NCAM1: variants seen among roughly 807,000 people sequenced by gnomAD.
The protein encoded by NCAM1 is neural cell adhesion molecule 1, also known as antigen recognized by monoclonal antibody 5.1H11.
In NCAM1, 14 loss-of-function variants were observed where a neutral mutation model predicts 109.8. The ratio of observed to expected loss-of-function variants is 0.13; its 90% CI spans 0.08 to 0.20. The LOEUF (loss-of-function observed/expected upper bound fraction) is 0.20. Among genes scored for constraint, NCAM1 ranks in the 10% least tolerant of loss-of-function variants. The pLI is 1.00. For synonymous variants in NCAM1, 418 were observed against 442.9 expected, an observed-to-expected ratio of 0.94 and a Z score of 0.70; for missense variants, 774 against 1,109.9, an observed-to-expected ratio of 0.70 and a Z score of 4.30.
At chr11:113,116,304 C>T (rs1940705637) in intron 1 of NCAM1, among the ~76,000 whole-genome samples, 1 of 152,118 alleles carries the variant, frequency 6.6e-6, no homozygotes, top group Non-Finnish European at 1.5e-5. Context: ...CAGGCAACTG[C>T]CCTGAAATTT....
intron 1 of NCAM1, among the ~76,000 whole-genome samples, chr11:113,076,093 T>G (rs1938512373): frequency 6.6e-6 from 1 of 152,216 alleles, no homozygotes; most frequent in South Asian, 2.1e-4. Context: ...TCTTTTGAAC[T>G]GACAAGTGTC....
At chr11:113,053,206 C>T (rs1294303213) in intron 1 of NCAM1, among the ~76,000 whole-genome samples, 1 of 152,170 alleles carries the variant, frequency 6.6e-6, no homozygotes, top group East Asian at 1.9e-4. Flanking sequence ...TGGCTTCCAG[C>T]TCCATTCATG....
At chr11:113,027,505 A>AT (rs1952583435) in intron 1 of NCAM1, among the ~76,000 whole-genome samples, 1 of 152,206 alleles carries the variant, frequency 6.6e-6, no homozygotes, top group Non-Finnish European at 1.5e-5. Flanking sequence ...TTTAAAGATG[A>AT]TTTCCTGGAT....
At chr11:113,076,185 C>G (rs932228846) in intron 1 of NCAM1, among the ~76,000 whole-genome samples, 3 of 151,992 alleles carry the variant, frequency 2.0e-5, no homozygotes, top group Admixed American at 2.0e-4. Context: ...GCCCCACACA[C>G]AGAGGGAATC....
intron 1 of NCAM1, among the ~76,000 whole-genome samples, chr11:113,055,554 C>G (rs372187955): frequency 1.3e-5 from 2 of 152,192 alleles, no homozygotes; most frequent in East Asian, 1.9e-4. Flanking sequence ...TAACATATTC[C>G]TGCTGTTCTC....
At chr11:113,011,416 T>A (rs945912070) in intron 1 of NCAM1, among the ~76,000 whole-genome samples, 1 of 152,012 alleles carries the variant, frequency 6.6e-6, no homozygotes, top group Admixed American at 6.6e-5. Flanking sequence ...AATGCCGCAA[T>A]AAACATACGT....
At chr11:113,247,668 G>GGTAT (rs1404482423) in intron 15 of NCAM1, among the ~76,000 whole-genome samples, 1 of 152,100 alleles carries the variant, frequency 6.6e-6, no homozygotes, top group Non-Finnish European at 1.5e-5. Context: ...GGCGATATTG[G>GGTAT]GTATGTACAT....
intron 16 of NCAM1, among the ~76,000 whole-genome samples, chr11:113,257,107 GCCTGT>G (rs1945853064): frequency 6.6e-6 from 1 of 152,230 alleles, no homozygotes; most frequent in African/African-American, 2.4e-5. Context: ...AGTAGGAAAG[GCCTGT>G]CACTGCCCTG....
intron 1 of NCAM1, among the ~76,000 whole-genome samples, chr11:112,994,956 G>A (rs1360036016): frequency 6.6e-6 from 1 of 152,060 alleles, no homozygotes; most frequent in African/African-American, 2.4e-5. Flanking sequence ...AAACTCATGT[G>A]CTCTGTCACC....
At chr11:113,226,924 T>C (rs1235736039) in intron 9 of NCAM1, among the ~76,000 whole-genome samples, 1 of 152,172 alleles carries the variant, frequency 6.6e-6, no homozygotes, top group Non-Finnish European at 1.5e-5. Flanking sequence ...GGGAGACATT[T>C]AAAGCAGTGT....
chr11:112,994,566 A>G (rs1236644652), intron 1 of NCAM1, among the ~76,000 whole-genome samples: 1 of 152,198 alleles, frequency 6.6e-6, no homozygotes, highest in Non-Finnish European at 1.5e-5. Context: ...AAACCTGGTA[A>G]TTTAGCCCAC....
chr11:113,095,930 A>G (rs1214710083), intron 1 of NCAM1, among the ~76,000 whole-genome samples: 1 of 152,214 alleles, frequency 6.6e-6, no homozygotes, highest in Non-Finnish European at 1.5e-5. Context: ...TGCTGCAAGG[A>G]TTAAATAAAA....
chr11:113,095,268 C>G (rs1026022195), intron 1 of NCAM1, among the ~76,000 whole-genome samples: 1 of 152,268 alleles, frequency 6.6e-6, no homozygotes, highest in Admixed American at 6.5e-5. Context: ...ACATTCTCAG[C>G]TTTGCATTGT....
intron 1 of NCAM1, among the ~76,000 whole-genome samples, chr11:113,186,022 C>T (rs549732918): frequency 4.5e-4 from 68 of 152,282 alleles, no homozygotes; most frequent in Middle Eastern, 3.4e-3. Flanking sequence ...CAGAAAACAA[C>T]GGTCATAATA....
intron 1 of NCAM1, among the ~76,000 whole-genome samples, chr11:113,080,511 C>T (rs974167338): frequency 5.4e-5 from 8 of 146,838 alleles, no homozygotes; most frequent in South Asian, 4.5e-4. Context: ...AAGTTTGATG[C>T]GGGTGGTATT....
chr11:113,014,439 G>A (rs571820337), intron 1 of NCAM1, among the ~76,000 whole-genome samples: 6 of 152,178 alleles, frequency 3.9e-5, no homozygotes, highest in African/African-American at 1.4e-4. Flanking sequence ...TTCCCATAGG[G>A]CTCATTCCCG....
intron 1 of NCAM1, among the ~76,000 whole-genome samples, chr11:113,180,277 CTGCTTAT>C (rs2136570349): frequency 6.6e-6 from 1 of 152,308 alleles, no homozygotes; most frequent in East Asian, 1.9e-4. Flanking sequence ...TAGTATTATC[CTGCTTAT>C]TGGATATGGA....
chr11:113,207,475 C>A, intron 6 of NCAM1, 97 bp downstream of exon 6: 3 of 955,000 alleles, frequency 3.1e-6, no homozygotes, highest in Non-Finnish European at 4.8e-6. Flanking sequence ...TGGATGTGGG[C>A]TTCTTAGGAA....
intron 9 of NCAM1, among the ~76,000 whole-genome samples, chr11:113,224,097 G>T (rs1188219193): frequency 6.6e-6 from 1 of 152,246 alleles, no homozygotes; most frequent in Non-Finnish European, 1.5e-5. Flanking sequence ...AGGACAGTGG[G>T]TGCAGCGCAC....
Sources: gnomAD v4.1 joint callset for allele counts (sites outside exome capture counted in the v4.1 genomes callset) on GRCh38, gnomAD v4.1.1 for gene constraint, MANE v1.5 for transcripts, NCBI Gene and HGNC (gene_info 2026-07-23, HGNC 2026-07-21) for gene names.